Variants in ZNF804B observed in about 807,000 individuals in gnomAD.
ZNF804B encodes zinc finger 804B.
Under a neutral mutation model 101.4 loss-of-function variants are expected in ZNF804B, and 80 were observed. That is an observed-to-expected ratio of 0.79 (90% CI 0.66 to 0.95). The LOEUF is 0.95. Among genes scored for constraint, ZNF804B ranks in the 40% least tolerant of loss-of-function variants. ZNF804B has a pLI of 0.00. For synonymous variants in ZNF804B, 622 were observed against 558.8 expected (o/e 1.11, Z -1.59); for missense variants, 1,673 against 1,561.9 (o/e 1.07, Z -1.20).
intron 2 of ZNF804B, among the ~76,000 whole-genome samples, chr7:89,227,033 A>C (rs1225430583): frequency 2.0e-5 from 3 of 152,140 alleles, no homozygotes; most frequent in African/African-American, 7.2e-5. Context: ...GGTCAGATGC[A>C]TAGCTATTGT....
chr7:89,214,599 T>C (rs2115686943), intron 1 of ZNF804B, among the ~76,000 whole-genome samples: 1 of 152,254 alleles, frequency 6.6e-6, no homozygotes. Flanking sequence ...CAAGAAATAG[T>C]GTGTGCTAAT....
At chr7:88,984,694 G>A (rs1025258764) in intron 1 of ZNF804B, among the ~76,000 whole-genome samples, 2 of 151,956 alleles carry the variant, frequency 1.3e-5, no homozygotes, top group African/African-American at 4.8e-5. Flanking sequence ...AATTGACTCA[G>A]GCCAAATACA....
intron 1 of ZNF804B, among the ~76,000 whole-genome samples, chr7:89,165,643 G>A (rs1274135025): frequency 6.6e-6 from 1 of 152,004 alleles, no homozygotes; most frequent in Non-Finnish European, 1.5e-5. Context: ...AAAATTAAAT[G>A]TCTTTATATA....
chr7:89,213,812 A>T (rs915598441), intron 1 of ZNF804B, among the ~76,000 whole-genome samples: 6 of 152,226 alleles, frequency 3.9e-5, no homozygotes, highest in African/African-American at 1.4e-4. Flanking sequence ...CCATATCTTT[A>T]AATGAGATAA....
chr7:89,176,988 T>A (rs1366103829), intron 1 of ZNF804B, among the ~76,000 whole-genome samples: 2 of 152,158 alleles, frequency 1.3e-5, no homozygotes, highest in African/African-American at 4.8e-5. Flanking sequence ...TAATATCTCC[T>A]TTTTCCTGTC....
intron 1 of ZNF804B, among the ~76,000 whole-genome samples, chr7:89,092,067 C>T (rs936441159): frequency 2.0e-5 from 3 of 152,042 alleles, no homozygotes; most frequent in South Asian, 4.2e-4. Flanking sequence ...ATTTATTTCC[C>T]ATTGTTCTGG....
At chr7:89,035,531 A>G (rs1788912500) in intron 1 of ZNF804B, among the ~76,000 whole-genome samples, 1 of 152,030 alleles carries the variant, frequency 6.6e-6, no homozygotes, top group African/African-American at 2.4e-5. Flanking sequence ...AGTAAGACAT[A>G]AATCTTCAGA....
At chr7:89,288,845 A>G (rs1161565178) in intron 2 of ZNF804B, among the ~76,000 whole-genome samples, 2 of 152,238 alleles carry the variant, frequency 1.3e-5, no homozygotes, top group African/African-American at 4.8e-5. Flanking sequence ...ATTGGTAAAT[A>G]TAAAAGATGA....
chr7:88,794,468 C>T (rs372317539), intron 1 of ZNF804B: 107 of 1,613,646 alleles, frequency 6.6e-5, no homozygotes, highest in Admixed American at 8.3e-5. Context: ...GTCACATCGT[C>T]GAGATACATA....
At chr7:88,926,364 A>T (rs1259169019) in intron 1 of ZNF804B, among the ~76,000 whole-genome samples, 1 of 151,392 alleles carries the variant, frequency 6.6e-6, no homozygotes, top group African/African-American at 2.4e-5. Context: ...AGGCAGGCGG[A>T]TCACTTGAGG....
chr7:88,878,452 G>C (rs1382096528), intron 1 of ZNF804B, among the ~76,000 whole-genome samples: 1 of 152,100 alleles, frequency 6.6e-6, no homozygotes, highest in Non-Finnish European at 1.5e-5. Context: ...AGATTACTCA[G>C]TATTCTCATC....
intron 2 of ZNF804B, among the ~76,000 whole-genome samples, chr7:89,260,191 C>T (rs1038192933): frequency 6.6e-6 from 1 of 152,040 alleles, no homozygotes; most frequent in African/African-American, 2.4e-5. Flanking sequence ...TATTTTTTTC[C>T]TTTCATCGTT....
intron 1 of ZNF804B, among the ~76,000 whole-genome samples, chr7:88,865,829 A>G (rs1791718294): frequency 6.6e-6 from 1 of 152,204 alleles, no homozygotes; most frequent in Non-Finnish European, 1.5e-5. Context: ...ACCAAATGTC[A>G]TCTATGCCAC....
At chr7:89,261,626 A>G (rs1481763551) in intron 2 of ZNF804B, among the ~76,000 whole-genome samples, 6 of 152,186 alleles carry the variant, frequency 3.9e-5, no homozygotes, top group African/African-American at 1.4e-4. Flanking sequence ...AAAAACCTAG[A>G]TGGTATAGCC....
intron 2 of ZNF804B, among the ~76,000 whole-genome samples, chr7:89,235,908 C>A (rs768667638): frequency 6.8e-6 from 1 of 146,304 alleles, no homozygotes; most frequent in East Asian, 1.9e-4. Context: ...AGTCTATTAA[C>A]ATTAAAATAA....
At chr7:88,799,923 G>C (rs911472786) in intron 1 of ZNF804B, among the ~76,000 whole-genome samples, 1 of 152,078 alleles carries the variant, frequency 6.6e-6, no homozygotes, top group African/African-American at 2.4e-5. Context: ...AGGATTGAAG[G>C]ACAGCCTCAT....
At chr7:88,828,065 C>G (rs1791073924) in intron 1 of ZNF804B, among the ~76,000 whole-genome samples, 1 of 152,054 alleles carries the variant, frequency 6.6e-6, no homozygotes, top group Non-Finnish European at 1.5e-5. Flanking sequence ...CCTTCATAGC[C>G]TCTCATAGCT....
chr7:88,783,188 G>A (rs1790255225), intron 1 of ZNF804B, among the ~76,000 whole-genome samples: 1 of 152,140 alleles, frequency 6.6e-6, no homozygotes, highest in South Asian at 2.1e-4. Flanking sequence ...CACTAAGCAC[G>A]TGGCTAAAGT....
intron 1 of ZNF804B, among the ~76,000 whole-genome samples, chr7:88,922,637 T>A (rs1792735800): frequency 6.6e-6 from 1 of 151,644 alleles, no homozygotes; most frequent in Non-Finnish European, 1.5e-5. Context: ...ACACACACAC[T>A]TTTTCTAATT....
Sources: allele counts gnomAD v4.1 joint callset (sites outside exome capture counted in the v4.1 genomes callset), GRCh38; gene constraint gnomAD v4.1.1; transcripts MANE v1.5; gene names NCBI Gene and HGNC (gene_info 2026-07-23, HGNC 2026-07-21).